ERAP1: variants seen among roughly 807,000 people sequenced by gnomAD.
ERAP1 encodes adipocyte-derived leucine aminopeptidase.
A neutral mutation model predicts 103.7 loss-of-function variants in ERAP1; 86 were observed. That is an observed-to-expected ratio of 0.83 (90% CI 0.70 to 0.99). The LOEUF (loss-of-function observed/expected upper bound fraction) is 0.99. Ranked by LOEUF, ERAP1 falls within the 50% of genes least tolerant of loss-of-function variation. The pLI, the probability that ERAP1 is intolerant of heterozygous loss-of-function variation, is 0.00. For missense variants in ERAP1, 1,009 were observed against 1,128.4 expected (o/e 0.89, Z 1.52); for synonymous variants, 398 against 402.4 (o/e 0.99, Z 0.13).
At chr5:96,887,096 TATATACACAC>T in the ERAP1 span, among the ~76,000 whole-genome samples, 45 of 140,308 alleles carry the variant, frequency 3.2e-4, no homozygotes, top group African/African-American at 9.8e-4. Flanking sequence ...TATATATATA[TATATACACAC>T]ACACACACAC....
At chr5:96,837,331 A>G in the ERAP1 span, among the ~76,000 whole-genome samples, 2 of 152,262 alleles carry the variant, frequency 1.3e-5, no homozygotes, top group Admixed American at 6.5e-5. Flanking sequence ...TTTCAAAGTT[A>G]TTGTACAGAA....
the ERAP1 span, among the ~76,000 whole-genome samples, chr5:96,865,517 A>C: frequency 4.2e-3 from 646 of 152,348 alleles, 2 homozygotes; most frequent in African/African-American, 0.015. Context: ...TACTTGGTAG[A>C]TAGTTAATTG....
At chr5:96,804,464 C>T (rs749696080) in intron 1 of ERAP1, 9 of 178,428 alleles carry the variant, frequency 5.0e-5, no homozygotes, top group African/African-American at 1.4e-4. Context: ...ACCACTAGAA[C>T]GAGGTCTCCA....
intron 1 of ERAP1, among the ~76,000 whole-genome samples, chr5:96,807,235 C>G (rs1778724082): frequency 6.6e-6 from 1 of 152,158 alleles, no homozygotes. Flanking sequence ...CCAGCCAGAG[C>G]CAGAGCGAAG....
the ERAP1 span, among the ~76,000 whole-genome samples, chr5:96,926,322 G>C: frequency 6.6e-6 from 1 of 152,052 alleles, no homozygotes; most frequent in East Asian, 1.9e-4. Context: ...AATTTACATG[G>C]CATAAAATTC....
the ERAP1 span, among the ~76,000 whole-genome samples, chr5:96,825,252 T>G: frequency 6.6e-6 from 1 of 152,214 alleles, no homozygotes; most frequent in Non-Finnish European, 1.5e-5. Context: ...CAGAAGTTAT[T>G]TAGAAGTCTG....
chr5:96,785,908 T>C lies in ERAP1; in HGVS notation c.1823A>G (p.Tyr608Cys). 6.2e-7 allele frequency: 1 copy of C among 1,614,202 alleles called. No homozygotes were observed. The highest frequency in any genetic ancestry group is 8.5e-7 in the Non-Finnish European group (1 of 1,180,038). Residue 608 changes from tyrosine to cysteine, a missense_variant, in exon 13 of 19, where the codon TAC (tyrosine) becomes TGC (cysteine). By Grantham distance (194) the Tyr-to-Cys change is radical. Around this residue, in one of 3 missense-constraint regions of ERAP1, gnomAD observed 611 missense variants for 651.7 expected, o/e 0.94. Transcript: ENST00000443439. ...TCCATCATCCTCGTAATGCACAATG[T>C]AATAGCCATTCATGCCCACATTAAA... ...IKFNVGMNGY[Y>C]IVHYEDDGWD...
intron 19 of ERAP1, among the ~76,000 whole-genome samples, chr5:96,764,837 A>C (rs753722288): frequency 6.6e-5 from 10 of 152,094 alleles, no homozygotes; most frequent in Non-Finnish European, 1.5e-4. Flanking sequence ...ATGGTGTTTA[A>C]TTTCTAAATG....
chr5:96,894,409 T>G, the ERAP1 span, among the ~76,000 whole-genome samples: 3 of 152,180 alleles, frequency 2.0e-5, no homozygotes, highest in Non-Finnish European at 4.4e-5. Context: ...ACTTATAATT[T>G]TCTGTTCTGT....
At chr5:96,829,516 C>T in the ERAP1 span, among the ~76,000 whole-genome samples, 1 of 152,216 alleles carries the variant, frequency 6.6e-6, no homozygotes, top group Non-Finnish European at 1.5e-5. Flanking sequence ...TTGATCCATG[C>T]TAATCCAACA....
the ERAP1 span, among the ~76,000 whole-genome samples, chr5:96,897,758 C>A: frequency 6.6e-6 from 1 of 152,198 alleles, no homozygotes; most frequent in East Asian, 1.9e-4. Flanking sequence ...TTTTATAGAA[C>A]CATTAGACCC....
upstream of ERAP1, among the ~76,000 whole-genome samples, chr5:96,809,804 A>T (rs925926422): frequency 6.6e-6 from 1 of 152,154 alleles, no homozygotes; most frequent in Non-Finnish European, 1.5e-5. Flanking sequence ...TTGTCCAGTA[A>T]ATGTATGCAT....
Position 96,800,970 on chromosome 5 carries a change from A to C in ERAP1, c.555T>G (p.Thr185=). 1.2e-6 allele frequency: 2 copies of C among 1,614,218 alleles called. No homozygotes were observed. Among genetic ancestry groups the C allele is most frequent in the Non-Finnish European group, 1.7e-6 (2 of 1,180,038 alleles). ...RILASTQFEP[T]AARMAFPCFD... ...AGCAGGGAAAGGCCATTCTAGCTGC[A>C]GTGGGTTCAAATTGTGTTGATGCTA... The change falls in exon 3 of 19, where the codon ACT becomes ACG. Residue 185 remains threonine, a synonymous_variant. Transcript: ENST00000443439.
chr5:96,820,009 A>ATG, the ERAP1 span, among the ~76,000 whole-genome samples: 2 of 152,198 alleles, frequency 1.3e-5, no homozygotes, highest in Admixed American at 1.3e-4. Context: ...CTTCACCCAT[A>ATG]TGTGGGCCAA....
Position 96,784,013 on chromosome 5 carries a change from T to C in ERAP1, c.2011A>G (p.Met671Val), listed in dbSNP as rs745389132. 1.1e-5 allele frequency: 18 copies of C among 1,614,092 alleles called. No homozygotes were observed. The highest frequency in any genetic ancestry group is 1.4e-5 in the Non-Finnish European group (17 of 1,179,962). Residue 671 changes from methionine (M) to valine (V), a missense_variant, in exon 14 of 19, where the codon ATG (methionine) becomes GTG (valine). Met to Val is a conservative substitution (Grantham distance 21). Around this residue, in one of 3 missense-constraint regions of ERAP1, gnomAD observed 611 missense variants for 651.7 expected, o/e 0.94. Coordinates refer to ENST00000443439, the MANE Select transcript of ERAP1 (RefSeq NM_001040458.3). ...SLYLKHETEI[M>V]PVFQGLNELI... ...TCATTCAAACCTTGAAACACGGGCA[T>C]AATTTCAGTTTCATGTTTCAAGTAC...
chr5:96,822,017 A>G, the ERAP1 span, among the ~76,000 whole-genome samples: 2 of 152,182 alleles, frequency 1.3e-5, no homozygotes, highest in Non-Finnish European at 2.9e-5. Context: ...CCCAAGTGTG[A>G]TTATTGTCTT....
the ERAP1 span, chr5:96,895,458 G>A: frequency 2.3e-6 from 2 of 878,072 alleles, no homozygotes; most frequent in Non-Finnish European, 3.6e-6. Flanking sequence ...ACTACATAAT[G>A]TTGTGGTTTT....
rs1203635019 is a variant in ERAP1, at chr5:96,776,000, A to G, written c.*396T>C. On this transcript the variant is annotated 3_prime_UTR_variant, in exon 19 of 19. Transcript: ENST00000443439. ...CATCGTCCGGCTTAGTCTCAGATCC[A>G]GGTGTTCATTGTTCAGTAGTCGACT... 2 of 1,086,006 alleles carry G rather than the reference A, an allele frequency of 1.8e-6. No homozygotes were observed. The highest frequency in any genetic ancestry group is 2.3e-6 in the Non-Finnish European group (2 of 885,996). The allele number at this position is 1,086,006 out of a possible 1,614,324, so 67.3% of individuals were successfully genotyped here.
At chr5:96,806,623 C>CTTT (rs75649816) in intron 1 of ERAP1, among the ~76,000 whole-genome samples, 516 of 127,968 alleles carry the variant, frequency 4.0e-3, no homozygotes, top group East Asian at 5.6e-3. Context: ...CAAGATCCCT[C>CTTT]TTTTTTTTTT....
Sources: allele counts gnomAD v4.1 joint callset (sites outside exome capture counted in the v4.1 genomes callset), GRCh38; gene constraint gnomAD v4.1.1; regional missense constraint gnomAD v4.1.1; transcripts MANE v1.5; gene names NCBI Gene and HGNC (gene_info 2026-07-23, HGNC 2026-07-21).